Variants in DCDC2 observed in about 807,000 individuals in gnomAD.
DCDC2 encodes the protein doublecortin domain containing 2.
DCDC2 carries 40 observed loss-of-function variants against 50.2 expected under a neutral mutation model. That is an observed-to-expected ratio of 0.80 (90% CI 0.62 to 1.04). DCDC2 has a LOEUF of 1.04. DCDC2 is among the 50% of genes least tolerant of loss of function. DCDC2 has a pLI of 0.00. For synonymous variants in DCDC2, 234 were observed against 210.6 expected (o/e 1.11, Z -0.96); for missense variants, 570 against 581.9 (o/e 0.98, Z 0.21).
At chr6:24,379,869 G>A in the DCDC2 span, among the ~76,000 whole-genome samples, 2 of 152,138 alleles carry the variant, frequency 1.3e-5, no homozygotes, top group African/African-American at 4.8e-5. Flanking sequence ...CATAAAAAAT[G>A]ATGAGTTCAT....
rs185774142 is a variant in DCDC2, at chr6:24,329,652, T to C, written c.348+23917A>G. Among the ~76,000 whole-genome samples, 320 of 152,292 alleles carry C rather than the reference T, an allele frequency of 2.1e-3. 2 individuals are homozygous for C. The highest frequency in any genetic ancestry group is 7.2e-3 in the African/African-American group (301 of 41,552). On this transcript the variant is annotated intron_variant, in intron 2 of 9. Transcript: ENST00000378454. The stretch of plus-strand genomic sequence containing the variant: ...CCCATTGCCATGATTCATCTAAGTT[T>C]TGCAACAAGAGGCCTAGCTTGCTTT...
chr6:24,329,180 A>C (rs1759925342), intron 2 of DCDC2, among the ~76,000 whole-genome samples: 1 of 152,176 alleles, frequency 6.6e-6, no homozygotes, highest in Non-Finnish European at 1.5e-5. Context: ...TGGAGAGATG[A>C]TTCAGGCTAA....
intron 7 of DCDC2, among the ~76,000 whole-genome samples, chr6:24,248,032 C>T (rs1337778834): frequency 6.6e-6 from 1 of 152,170 alleles, no homozygotes; most frequent in African/African-American, 2.4e-5. Context: ...GCCAAGATTG[C>T]ACCATTGCAC....
intron 6 of DCDC2, 106 bp downstream of exon 6, chr6:24,288,745 GA>G (rs1763672825): frequency 1.0e-6 from 1 of 968,646 alleles, no homozygotes; most frequent in African/African-American, 1.6e-5. Flanking sequence ...TATACACCAC[GA>G]AGCGGCTAAG....
At chr6:24,330,393 T>C (rs1272376128) in intron 2 of DCDC2, among the ~76,000 whole-genome samples, 1 of 152,018 alleles carries the variant, frequency 6.6e-6, no homozygotes, top group African/African-American at 2.4e-5. Flanking sequence ...CCGTGGGGAG[T>C]ACAATAATAA....
intron 8 of DCDC2, among the ~76,000 whole-genome samples, chr6:24,186,690 C>T (rs924810890): frequency 6.6e-6 from 1 of 152,156 alleles, no homozygotes; most frequent in African/African-American, 2.4e-5. Flanking sequence ...GATCATGTTT[C>T]TTACGGACTC....
chr6:24,179,868 T>G (rs1360163423), intron 8 of DCDC2, among the ~76,000 whole-genome samples: 13 of 138,626 alleles, frequency 9.4e-5, no homozygotes, highest in East Asian at 2.3e-4. Flanking sequence ...GCAGGAGAAT[T>G]GCATGAACCC....
intron 7 of DCDC2, among the ~76,000 whole-genome samples, chr6:24,217,776 G>A (rs190981923): frequency 1.3e-5 from 2 of 152,256 alleles, no homozygotes; most frequent in East Asian, 3.9e-4. Context: ...GTTTGAAGAG[G>A]ATGATAAATT....
At chr6:24,327,482 T>TGA (rs1554119359) in intron 2 of DCDC2, among the ~76,000 whole-genome samples, 7,643 of 147,752 alleles carry the variant, frequency 0.052, 716 homozygotes, top group African/African-American at 0.17. Flanking sequence ...ATTTATTTAT[T>TGA]TATTGGCTGA....
intron 2 of DCDC2, among the ~76,000 whole-genome samples, chr6:24,321,788 TA>T (rs1486957658): frequency 6.6e-6 from 1 of 152,198 alleles, no homozygotes; most frequent in Non-Finnish European, 1.5e-5. Context: ...CTTCCTGTCA[TA>T]AAGACATGAG....
intron 2 of DCDC2, among the ~76,000 whole-genome samples, chr6:24,350,324 C>A (rs1760344484): frequency 6.6e-6 from 1 of 152,138 alleles, no homozygotes; most frequent in South Asian, 2.1e-4. Context: ...GTGAGCTGCT[C>A]TGGAAAAGGA....
intron 2 of DCDC2, among the ~76,000 whole-genome samples, chr6:24,349,661 A>G (rs1010277220): frequency 2.0e-5 from 3 of 152,168 alleles, no homozygotes; most frequent in South Asian, 4.1e-4. Context: ...AAGCAAAGAG[A>G]GGATTGGGAA....
At chr6:24,253,209 C>G (rs904168004) in intron 7 of DCDC2, among the ~76,000 whole-genome samples, 1 of 151,594 alleles carries the variant, frequency 6.6e-6, no homozygotes, top group South Asian at 2.1e-4. Context: ...AAAAATAAAA[C>G]GAATGTACAA....
At chr6:24,226,659 C>T (rs911131378) in intron 7 of DCDC2, among the ~76,000 whole-genome samples, 6 of 152,182 alleles carry the variant, frequency 3.9e-5, no homozygotes, top group African/African-American at 1.4e-4. Flanking sequence ...ACCCCTTAAG[C>T]AGGAATGCTC....
At chr6:24,238,196 G>A (rs1762495536) in intron 7 of DCDC2, among the ~76,000 whole-genome samples, 1 of 114,932 alleles carries the variant, frequency 8.7e-6, no homozygotes. Flanking sequence ...GGGGAGGGGA[G>A]GGAGTTCCAC....
intron 2 of DCDC2, among the ~76,000 whole-genome samples, chr6:24,308,705 A>G (rs1759519878): frequency 6.6e-6 from 1 of 152,184 alleles, no homozygotes; most frequent in Non-Finnish European, 1.5e-5. Context: ...AAAATGATAA[A>G]ATAAGAGGAA....
At chr6:24,199,391 C>A (rs1299905288) in intron 8 of DCDC2, among the ~76,000 whole-genome samples, 1 of 152,194 alleles carries the variant, frequency 6.6e-6, no homozygotes, top group African/African-American at 2.4e-5. Flanking sequence ...GGACCTCCAG[C>A]AAACTCCAGC....
chr6:24,372,977 T>C, the DCDC2 span, among the ~76,000 whole-genome samples: 2 of 151,828 alleles, frequency 1.3e-5, no homozygotes, highest in African/African-American at 2.4e-5. Context: ...AAAGAAGTAA[T>C]CTAAATAACC....
intron 7 of DCDC2, among the ~76,000 whole-genome samples, chr6:24,221,314 G>A (rs764259221): frequency 1.3e-5 from 2 of 152,118 alleles, no homozygotes; most frequent in Admixed American, 6.5e-5. Flanking sequence ...CAACCCCAAA[G>A]GGACTCGTGA....
Sources: gnomAD v4.1 joint callset for allele counts (sites outside exome capture counted in the v4.1 genomes callset) on GRCh38, gnomAD v4.1.1 for gene constraint, MANE v1.5 for transcripts, NCBI Gene and HGNC (gene_info 2026-07-23, HGNC 2026-07-21) for gene names.